The following C2CD3 variants were observed in gnomAD, a reference collection of about 807,000 sequenced individuals.
The protein encoded by C2CD3 is C2 domain-containing protein 3.
C2CD3 carries 148 observed loss-of-function variants against 234.0 expected under a neutral mutation model. The observed-to-expected ratio is 0.63, with a 90% CI of 0.55 to 0.72. C2CD3 has a LOEUF of 0.72. C2CD3 is among the 30% of genes least tolerant of loss of function. The pLI is 0.00. For missense variants in C2CD3, 2,577 were observed against 2,811.5 expected (o/e 0.92, Z 1.89); for synonymous variants, 1,000 against 1,035.4 (o/e 0.97, Z 0.66).
At chr11:74,018,527 G>A (rs1264942681) in intron 32 of C2CD3, among the ~76,000 whole-genome samples, 7 of 152,156 alleles carry the variant, frequency 4.6e-5, no homozygotes, top group African/African-American at 1.4e-4. Flanking sequence ...GTAAACAGCC[G>A]CCTGGGTCTG....
At chr11:74,048,896 CTTTT>C (rs1953526300) in intron 27 of C2CD3, among the ~76,000 whole-genome samples, 1 of 145,860 alleles carries the variant, frequency 6.9e-6, no homozygotes, top group Admixed American at 6.8e-5. Context: ...GAAATTCTTT[CTTTT>C]ACAGTTAAAC....
At chr11:74,096,600 G>A (rs2135488614) in intron 16 of C2CD3, among the ~76,000 whole-genome samples, 1 of 152,154 alleles carries the variant, frequency 6.6e-6, no homozygotes, top group Non-Finnish European at 1.5e-5. Flanking sequence ...GAGTAGAGGA[G>A]GAAAAACAAT....
intron 2 of C2CD3, chr11:74,164,700 T>G (rs1856692312): frequency 6.6e-6 from 1 of 152,232 alleles, no homozygotes; most frequent in Non-Finnish European, 1.5e-5. Context: ...AAAGGTTTTC[T>G]CATTAGTTAA....
At chr11:74,020,946 C>A (rs1726762) in intron 32 of C2CD3, among the ~76,000 whole-genome samples, 4,072 of 152,248 alleles carry the variant, frequency 0.027, 189 homozygotes, top group African/African-American at 0.093. Flanking sequence ...GCAAGGGAAG[C>A]AGCAGAAAGG....
intron 3 of C2CD3, among the ~76,000 whole-genome samples, chr11:74,154,330 A>G (rs562251454): frequency 6.6e-6 from 1 of 152,316 alleles, no homozygotes; most frequent in South Asian, 2.1e-4. Flanking sequence ...GAAGAAAAAA[A>G]TTAAACAAAG....
At chr11:74,129,241 G>A (rs1957541448) in intron 7 of C2CD3, 1 of 177,376 alleles carries the variant, frequency 5.6e-6, no homozygotes, top group African/African-American at 2.4e-5. Context: ...TTCCCAGACG[G>A]GGTGGCTGCT....
At chr11:74,016,681 G>A (rs1304832732) in intron 32 of C2CD3, 2 of 152,256 alleles carry the variant, frequency 1.3e-5, no homozygotes, top group African/African-American at 4.8e-5. Context: ...CCTTCATCAG[G>A]ACTGCTACCC....
At chr11:74,085,460 T>C (rs908495310) in intron 21 of C2CD3, 158 bp downstream of exon 21, 5 of 688,672 alleles carry the variant, frequency 7.3e-6, no homozygotes, top group South Asian at 2.0e-5. Flanking sequence ...ACATACTTAG[T>C]ACATATCCTT....
chr11:74,087,292 G>A (rs889525222), intron 20 of C2CD3, among the ~76,000 whole-genome samples: 8 of 152,044 alleles, frequency 5.3e-5, no homozygotes, highest in Admixed American at 2.0e-4. Context: ...GGCTGGGTGC[G>A]GTGGCTCGCG....
rs959203208 is a variant in C2CD3 at position 74,113,405 on chromosome 11, G to A, written c.1843+375C>T. The A allele has an allele frequency of 1.3e-5, 3 of 230,196 alleles. No homozygotes were observed. The South Asian group carries it at 1.7e-4, about 13-fold the overall frequency. The allele number at this position is 230,196 out of a possible 1,614,324, so 14.3% of individuals were successfully genotyped here. On this transcript the variant is annotated intron_variant, in intron 11 of 32. Coordinates refer to ENST00000334126, the MANE Select transcript of C2CD3 (RefSeq NM_001286577.2). ...ACAGCCTTGAAAATATTGGCTGGGCGTGATGGCTTATGCCTGTAATCCCAG... is the reference window on the plus strand; with the variant it reads ...ACAGCCTTGAAAATATTGGCTGGGCATGATGGCTTATGCCTGTAATCCCAG...
intron 31 of C2CD3, among the ~76,000 whole-genome samples, chr11:74,030,145 T>C (rs986960691): frequency 6.6e-6 from 1 of 152,182 alleles, no homozygotes; most frequent in African/African-American, 2.4e-5. Flanking sequence ...TGACCTTGCA[T>C]TGTCTTCTAG....
intron 3 of C2CD3, among the ~76,000 whole-genome samples, chr11:74,140,589 G>A (rs1020034145): frequency 1.1e-4 from 16 of 152,030 alleles, no homozygotes; most frequent in Non-Finnish European, 4.4e-5. Flanking sequence ...AGGTACTTGC[G>A]ACCTTTCATT....
chr11:74,019,594 C>G (rs1482495667), intron 32 of C2CD3, among the ~76,000 whole-genome samples: 1 of 152,160 alleles, frequency 6.6e-6, no homozygotes, highest in African/African-American at 2.4e-5. Context: ...CTGATCTGAT[C>G]TGGTGGCTTT....
intron 28 of C2CD3, among the ~76,000 whole-genome samples, chr11:74,047,601 A>C (rs941936752): frequency 6.6e-6 from 1 of 152,212 alleles, no homozygotes; most frequent in Non-Finnish European, 1.5e-5. Flanking sequence ...GGGTCTGCTC[A>C]GTAACTGCTC....
intron 32 of C2CD3, among the ~76,000 whole-genome samples, chr11:74,015,081 C>T (rs1333090508): frequency 1.3e-5 from 2 of 152,260 alleles, no homozygotes; most frequent in African/African-American, 2.4e-5. Context: ...AGCACCTGCA[C>T]TGCATGATGC....
At chr11:74,046,436 T>C (rs1026137588) in intron 28 of C2CD3, among the ~76,000 whole-genome samples, 15 of 152,316 alleles carry the variant, frequency 9.8e-5, no homozygotes, top group Middle Eastern at 3.4e-3. Flanking sequence ...CTTAAGTACC[T>C]GGGCTCAAGT....
chr11:74,074,865 T>C (rs191797361), intron 23 of C2CD3, among the ~76,000 whole-genome samples: 338 of 152,218 alleles, frequency 2.2e-3, no homozygotes, highest in African/African-American at 7.5e-3. Flanking sequence ...AGTGGGCAAA[T>C]TGCTTGAGTC....
chr11:74,031,932 C>T (rs549021614), intron 31 of C2CD3, among the ~76,000 whole-genome samples: 2 of 152,328 alleles, frequency 1.3e-5, no homozygotes, highest in South Asian at 4.1e-4. Context: ...TTAATCCTTT[C>T]CTGAGCCCAC....
intron 24 of C2CD3, among the ~76,000 whole-genome samples, chr11:74,067,800 AAGCT>A (rs2135452982): frequency 6.6e-6 from 1 of 152,288 alleles, no homozygotes; most frequent in African/African-American, 2.4e-5. Flanking sequence ...GAAGCATTAA[AAGCT>A]ACATTTCTCG....
Sources: gnomAD v4.1 joint callset for allele counts (sites outside exome capture counted in the v4.1 genomes callset) on GRCh38, gnomAD v4.1.1 for gene constraint, MANE v1.5 for transcripts, NCBI Gene and HGNC (gene_info 2026-07-23, HGNC 2026-07-21) for gene names.